The following LDLRAP1 variants were observed in gnomAD, a reference collection of about 807,000 sequenced individuals.
LDLRAP1 encodes low density lipoprotein receptor adapter protein 1.
Under a neutral mutation model 37.8 loss-of-function variants are expected in LDLRAP1, and 30 were observed. The observed-to-expected ratio is 0.79, with a 90% CI of 0.59 to 1.08. The LOEUF (loss-of-function observed/expected upper bound fraction) is 1.08. LDLRAP1 is among the 50% of genes least tolerant of loss of function. The pLI is 0.00. For synonymous variants in LDLRAP1, 156 were observed against 169.8 expected (o/e 0.92, Z 0.63); for missense variants, 375 against 401.6 (o/e 0.93, Z 0.57).
the LDLRAP1 span, among the ~76,000 whole-genome samples, chr1:25,582,189 A>G: frequency 6.6e-6 from 1 of 152,178 alleles, no homozygotes; most frequent in Non-Finnish European, 1.5e-5. Context: ...TCAGACATTG[A>G]CTGAGTTGGT....
rs1345409908 is a variant in LDLRAP1 at position 25,554,651 on chromosome 1, G to A, written c.232-209G>A. ...AGAGGGAGGATGACTCCAGGTCCAC[G>A]GTGCCTGACAGATAGCTGGTGCTCA... On this transcript the variant is annotated intron_variant, in intron 2 of 8. Coordinates refer to ENST00000374338, the MANE Select transcript of LDLRAP1 (RefSeq NM_015627.3). This position sits in a 1 kb window ranked among gnomAD's most constrained non-coding sequence, Gnocchi z 5.4. 6.6e-6 allele frequency among the ~76,000 whole-genome samples: 1 copy of A among 152,198 alleles called. No homozygotes were observed. Among genetic ancestry groups the A allele is most frequent in the Non-Finnish European group, 1.5e-5 (1 of 68,032 alleles).
intron 1 of LDLRAP1, among the ~76,000 whole-genome samples, chr1:25,545,988 G>A (rs140044914): frequency 5.1e-4 from 77 of 152,324 alleles, no homozygotes; most frequent in African/African-American, 1.8e-3. Flanking sequence ...CAGACACAGA[G>A]CATCTAAGAG....
At chr1:25,566,795 G>A (rs770229053) in intron 8 of LDLRAP1, 53 bp from the exon 9 acceptor site, 21 of 1,578,224 alleles carry the variant, frequency 1.3e-5, no homozygotes, top group Middle Eastern at 3.3e-4. Flanking sequence ...GTCTGACCCT[G>A]GGGCGCGCCA....
At chr1:25,587,710 G>A in the LDLRAP1 span, among the ~76,000 whole-genome samples, 6 of 152,164 alleles carry the variant, frequency 3.9e-5, no homozygotes, top group South Asian at 6.2e-4. Flanking sequence ...TGGCCAACCC[G>A]AGAAGAGAAA....
chr1:25,555,729 G>T lies in LDLRAP1; in HGVS notation c.344+757G>T, dbSNP rs911073859. Among the ~76,000 whole-genome samples the T allele has an allele frequency of 1.1e-4, 16 of 152,204 alleles. No individual in the cohort carries two copies. The South Asian group carries it at 2.1e-3, about 20-fold the overall frequency. ...CCAGTAGTAGGGTCAGTAGATGTGT[G>T]TTGTGGGGGTCTGGCTGATGTCTTC... is the stretch of plus-strand genomic sequence containing the variant. On this transcript the variant is annotated intron_variant, in intron 3 of 8. Coordinates refer to ENST00000374338, the MANE Select transcript of LDLRAP1 (RefSeq NM_015627.3). The surrounding 1 kb of genome is among the most constrained non-coding windows in gnomAD (Gnocchi z 4.7).
At chr1:25,545,284 G>A (rs1338874169) in intron 1 of LDLRAP1, among the ~76,000 whole-genome samples, 1 of 152,190 alleles carries the variant, frequency 6.6e-6, no homozygotes, top group Non-Finnish European at 1.5e-5. Context: ...GGCTGGCAAG[G>A]GAAGGGAGGC....
At chr1:25,576,425 C>G in the LDLRAP1 span, among the ~76,000 whole-genome samples, 1 of 152,068 alleles carries the variant, frequency 6.6e-6, no homozygotes, top group Non-Finnish European at 1.5e-5. Context: ...ACTGGGGAGG[C>G]TGGGGCAGGA....
Position 25,557,196 on chromosome 1 carries a change from G to C in LDLRAP1, c.388G>C (p.Ala130Pro). The change falls in exon 4 of 9, where the codon GCA becomes CCA. Residue 130 changes from alanine to proline, a missense_variant. Transcript: ENST00000374338. Reference protein sequence around the residue: ...TADKMHDKVFAYIAQSQHNQS... With the variant: ...TADKMHDKVFPYIAQSQHNQS... ...AGACAAGATGCACGACAAGGTGTTT[G>C]CATACATCGCCCAGAGCCAGCACAA... The C allele has an allele frequency of 6.2e-7, 1 of 1,614,192 alleles. No homozygotes were observed.
chr1:25,583,771 A>G, the LDLRAP1 span, among the ~76,000 whole-genome samples: 4 of 151,930 alleles, frequency 2.6e-5, no homozygotes, highest in Non-Finnish European at 5.9e-5. Flanking sequence ...CCCCTATGCC[A>G]TCCTCCACCA....
At chr1:25,548,807 C>T (rs1406971521) in intron 1 of LDLRAP1, among the ~76,000 whole-genome samples, 1 of 152,156 alleles carries the variant, frequency 6.6e-6, no homozygotes, top group South Asian at 2.1e-4. Context: ...ACTACAGGTG[C>T]ACACTGCCAC....
At chr1:25,550,652 G>C (rs1170684572) in intron 1 of LDLRAP1, among the ~76,000 whole-genome samples, 7 of 152,116 alleles carry the variant, frequency 4.6e-5, no homozygotes, top group Non-Finnish European at 1.0e-4. Context: ...GGACTGGGTG[G>C]GGTGAGGAGA....
chr1:25,587,709 C>G, the LDLRAP1 span, among the ~76,000 whole-genome samples: 1 of 152,044 alleles, frequency 6.6e-6, no homozygotes, highest in Non-Finnish European at 1.5e-5. Context: ...ATGGCCAACC[C>G]GAGAAGAGAA....
At chr1:25,571,572 A>G (rs2044605307), downstream of LDLRAP1, among the ~76,000 whole-genome samples, 1 of 152,180 alleles carries the variant, frequency 6.6e-6, no homozygotes, top group African/African-American at 2.4e-5. Context: ...CATTTTAGAG[A>G]TGATGATACC....
chr1:25,585,462 A>T, the LDLRAP1 span, among the ~76,000 whole-genome samples: 1 of 151,846 alleles, frequency 6.6e-6, no homozygotes, highest in South Asian at 2.1e-4. Flanking sequence ...AGTAGCTGGG[A>T]CTACAGGTGC....
the LDLRAP1 span, among the ~76,000 whole-genome samples, chr1:25,581,244 G>A: frequency 2.0e-5 from 3 of 152,178 alleles, no homozygotes; most frequent in African/African-American, 7.2e-5. Flanking sequence ...GGGCACTGCT[G>A]AGTAAACTAG....
At chr1:25,571,082 G>A (rs2044598765), downstream of LDLRAP1, among the ~76,000 whole-genome samples, 2 of 152,266 alleles carry the variant, frequency 1.3e-5, no homozygotes, top group African/African-American at 4.8e-5. Context: ...CCAGCGCTCC[G>A]GATTTCCACT....
the LDLRAP1 span, among the ~76,000 whole-genome samples, chr1:25,582,048 G>A: frequency 6.6e-6 from 1 of 152,164 alleles, no homozygotes; most frequent in Non-Finnish European, 1.5e-5. Flanking sequence ...GCTTCCCAGG[G>A]GTGGAACTTA....
chr1:25,584,762 G>A, the LDLRAP1 span, among the ~76,000 whole-genome samples: 2 of 152,210 alleles, frequency 1.3e-5, no homozygotes, highest in Non-Finnish European at 1.5e-5. Context: ...CCTAGAGGGA[G>A]CATCTGGCCC....
the LDLRAP1 span, among the ~76,000 whole-genome samples, chr1:25,582,033 C>T: frequency 6.6e-6 from 1 of 152,194 alleles, no homozygotes; most frequent in African/African-American, 2.4e-5. Flanking sequence ...CCAGCGCAGG[C>T]CTGGGCTTCC....
Sources: gnomAD v4.1 joint callset for allele counts (sites outside exome capture counted in the v4.1 genomes callset) on GRCh38, gnomAD v4.1.1 for gene constraint, Gnocchi (gnomAD v3.1) non-coding constraint, MANE v1.5 for transcripts, NCBI Gene and HGNC (gene_info 2026-07-23, HGNC 2026-07-21) for gene names.